Variants in PHF5A observed in about 807,000 individuals in gnomAD.
PHF5A encodes PHD finger-like domain-containing protein 5A.
For missense variants in PHF5A, 24 were observed against 140.6 expected, an observed-to-expected ratio of 0.17 and a Z score of 4.19; for synonymous variants, 52 against 46.0, an observed-to-expected ratio of 1.13 and a Z score of -0.52.
chr22:41,466,584 C>T (rs550627014), intron 3 of PHF5A, among the ~76,000 whole-genome samples: 3 of 152,176 alleles, frequency 2.0e-5, no homozygotes, highest in South Asian at 2.1e-4. Flanking sequence ...AGTGCAGTGG[C>T]GTGAAAATGG....
chr22:41,468,386 A>G, intron 1 of PHF5A: 8 of 422,128 alleles, frequency 1.9e-5, no homozygotes, highest in East Asian at 5.2e-5. Context: ...TTCAGACCCC[A>G]CCCCCCGATA....
In PHF5A at chr22:41,460,367, A is replaced by T; in HGVS notation, c.*31T>A. On this transcript the variant is annotated 3_prime_UTR_variant, in exon 4 of 4. Coordinates refer to ENST00000216252, the MANE Select transcript of PHF5A (RefSeq NM_032758.4). ...GTTTTCTGGCAGCTGCAGCAGACTG[A>T]TGTTGGGGGGAGGAAGGGGCCACCC... 1 of 1,550,296 alleles carries T rather than the reference A, an allele frequency of 6.5e-7. No homozygotes were observed. Among genetic ancestry groups the T allele is most frequent in the Non-Finnish European group, 8.8e-7 (1 of 1,130,634 alleles).
At chr22:41,467,646 A>G in intron 2 of PHF5A, 32 bp from the exon 3 acceptor site, 2 of 1,611,280 alleles carry the variant, frequency 1.2e-6, no homozygotes, top group Non-Finnish European at 1.7e-6. Flanking sequence ...CATGCTCACA[A>G]GTTCTTCAGT....
At chr22:41,468,484 AGAGGCGGGAAACGTGGCGCCTGC>A in intron 1 of PHF5A, 95 bp downstream of exon 1, 2 of 1,191,840 alleles carry the variant, frequency 1.7e-6, no homozygotes, top group African/African-American at 1.5e-5. Context: ...CCCGCGCCTG[AGAGGCGGGAAACGTGGCGCCTGC>A]GAGGCAAGCC....
At chr22:41,466,366 TCACGATG>T (rs2037866312) in intron 3 of PHF5A, among the ~76,000 whole-genome samples, 1 of 152,116 alleles carries the variant, frequency 6.6e-6, no homozygotes, top group Non-Finnish European at 1.5e-5. Flanking sequence ...ACAAAAAAAA[TCACGATG>T]CAGGTCCACA....
intron 3 of PHF5A, among the ~76,000 whole-genome samples, chr22:41,465,414 C>T (rs950856545): frequency 6.6e-6 from 1 of 152,100 alleles, no homozygotes; most frequent in South Asian, 2.1e-4. Context: ...CCACCTGCCT[C>T]AACCTCCCAA....
At position 41,468,313 on chromosome 22, in the gene PHF5A, T is replaced by G. The variant is rs987344220; in HGVS notation, c.53-166A>C. 6 of 685,764 alleles carry G rather than the reference T, an allele frequency of 8.7e-6. No homozygotes were observed. The East Asian group carries it at 1.6e-4, about 19-fold the overall frequency. The allele number at this position is 685,764 out of a possible 1,614,324, so 42.5% of individuals were successfully genotyped here. On this transcript the variant is annotated intron_variant, in intron 1 of 3. Coordinates refer to ENST00000216252, the MANE Select transcript of PHF5A (RefSeq NM_032758.4). The stretch of plus-strand genomic sequence containing the variant: ...AATTTCCATATGAACCAAACCTACA[T>G]CCAAGCACCCTCCTGAATCTCCTCC...
intron 3 of PHF5A, among the ~76,000 whole-genome samples, chr22:41,465,090 A>T (rs2037855422): frequency 6.6e-6 from 1 of 152,226 alleles, no homozygotes; most frequent in Non-Finnish European, 1.5e-5. Flanking sequence ...AGAGTTGAGG[A>T]CAAGAGAAAG....
chr22:41,460,970 C>T (rs760154294), intron 3 of PHF5A, among the ~76,000 whole-genome samples: 10 of 152,028 alleles, frequency 6.6e-5, no homozygotes, highest in South Asian at 2.1e-4. Context: ...GTCAGAAGTT[C>T]GAGACCAGCC....
intron 3 of PHF5A, 98 bp downstream of exon 3, chr22:41,467,350 G>T: frequency 1.7e-6 from 2 of 1,179,344 alleles, no homozygotes; most frequent in South Asian, 3.0e-5. Flanking sequence ...ATGACTAGAT[G>T]AACACAGTAA....
At chr22:41,463,218 A>T (rs2037839323) in intron 3 of PHF5A, among the ~76,000 whole-genome samples, 1 of 151,920 alleles carries the variant, frequency 6.6e-6, no homozygotes, top group Non-Finnish European at 1.5e-5. Flanking sequence ...CCAGCCCCAA[A>T]ATTTAATTAA....
intron 3 of PHF5A, among the ~76,000 whole-genome samples, chr22:41,464,632 A>G (rs975202363): frequency 6.6e-6 from 1 of 152,246 alleles, no homozygotes; most frequent in East Asian, 1.9e-4. Context: ...GGAGTCAGAC[A>G]GCAATTAACA....
At chr22:41,460,866 T>C (rs1568993470) in intron 3 of PHF5A, among the ~76,000 whole-genome samples, 1 of 152,092 alleles carries the variant, frequency 6.6e-6, no homozygotes, top group Non-Finnish European at 1.5e-5. Flanking sequence ...CCCTATCTCT[T>C]AGCACTTATG....
chr22:41,463,716 C>T (rs1049525581), intron 3 of PHF5A, among the ~76,000 whole-genome samples: 1 of 105,934 alleles, frequency 9.4e-6, no homozygotes, highest in Admixed American at 1.1e-4. Context: ...CACAGTAAGA[C>T]TCTGTCTCAA....
chr22:41,468,254 AG>A (rs754411005), intron 1 of PHF5A, 107 bp from the exon 2 acceptor site: 67 of 1,034,392 alleles, frequency 6.5e-5, no homozygotes, highest in Admixed American at 2.7e-4. Context: ...GACTGCAGTG[AG>A]TGAGACCTGC....
intron 3 of PHF5A, among the ~76,000 whole-genome samples, chr22:41,466,353 G>A (rs1048743681): frequency 6.6e-6 from 1 of 152,032 alleles, no homozygotes; most frequent in African/African-American, 2.4e-5. Context: ...ACAGTGTCAA[G>A]GGACAAAAAA....
chr22:41,462,808 A>G (rs1010775113), intron 3 of PHF5A, among the ~76,000 whole-genome samples: 2 of 152,094 alleles, frequency 1.3e-5, no homozygotes, highest in African/African-American at 2.4e-5. Context: ...TATTCCTGGA[A>G]GGTACCAAGT....
intron 3 of PHF5A, among the ~76,000 whole-genome samples, chr22:41,463,628 G>C (rs980438885): frequency 1.9e-4 from 28 of 147,576 alleles, no homozygotes; most frequent in African/African-American, 7.1e-4. Flanking sequence ...AGGGGGCTGA[G>C]ACGGAAGAAT....
At chr22:41,467,893 G>A in intron 2 of PHF5A, 1 of 611,916 alleles carries the variant, frequency 1.6e-6, no homozygotes. Flanking sequence ...TGTGTGTTGG[G>A]GAGGGGTCAT....
Sources: gnomAD v4.1 joint callset for allele counts (sites outside exome capture counted in the v4.1 genomes callset) on GRCh38, gnomAD v4.1.1 for gene constraint, MANE v1.5 for transcripts, NCBI Gene and HGNC (gene_info 2026-07-23, HGNC 2026-07-21) for gene names.